The following SDK1 variants were observed in gnomAD, a reference collection of about 807,000 sequenced individuals.
The protein encoded by SDK1 is sidekick cell adhesion molecule 1.
SDK1 carries 157 observed loss-of-function variants against 245.5 expected under a neutral mutation model. The ratio of observed to expected loss-of-function variants is 0.64; its 90% CI spans 0.56 to 0.73. SDK1 has a LOEUF of 0.73. Among genes scored for constraint, SDK1 ranks in the 30% least tolerant of loss-of-function variants. The pLI is 0.00. For synonymous variants in SDK1, 1,647 were observed against 1,278.5 expected (o/e 1.29, Z -6.15); for missense variants, 3,583 against 3,002.3 (o/e 1.19, Z -4.52).
intron 22 of SDK1, among the ~76,000 whole-genome samples, chr7:4,106,908 T>A (rs1412701927): frequency 1.3e-5 from 2 of 151,394 alleles, no homozygotes; most frequent in African/African-American, 4.9e-5. Flanking sequence ...CTGAACAAGA[T>A]GAGGGAGCCC....
At chr7:4,010,820 A>G (rs1054336691) in intron 14 of SDK1, 146 bp from the exon 15 acceptor site, 5 of 808,660 alleles carry the variant, frequency 6.2e-6, no homozygotes, top group East Asian at 2.8e-5. Context: ...CAGTTTCCAC[A>G]CCTGCTAAAT....
intron 4 of SDK1, among the ~76,000 whole-genome samples, chr7:3,726,049 A>G (rs1256186876): frequency 1.3e-5 from 2 of 152,258 alleles, no homozygotes; most frequent in Admixed American, 6.5e-5. Flanking sequence ...TGCTTGAAGC[A>G]ATATCACCTT....
intron 1 of SDK1, among the ~76,000 whole-genome samples, chr7:3,433,055 T>C (rs1008692213): frequency 1.3e-5 from 2 of 152,322 alleles, no homozygotes; most frequent in South Asian, 4.1e-4. Context: ...GAAGATTTTC[T>C]CAAACAAGGA....
intron 22 of SDK1, among the ~76,000 whole-genome samples, chr7:4,097,185 C>T (rs915675053): frequency 1.6e-4 from 24 of 152,228 alleles, no homozygotes; most frequent in Admixed American, 9.2e-4. Flanking sequence ...CACCCCACCT[C>T]GCAGCAAACA....
intron 1 of SDK1, among the ~76,000 whole-genome samples, chr7:3,504,131 C>T (rs1782308922): frequency 6.7e-6 from 1 of 149,238 alleles, no homozygotes; most frequent in East Asian, 2.0e-4. Flanking sequence ...GCCTGGGCAA[C>T]AGAGCGAGAC....
chr7:4,183,010 C>T (rs1782683876), intron 35 of SDK1, among the ~76,000 whole-genome samples: 1 of 152,184 alleles, frequency 6.6e-6, no homozygotes, highest in South Asian at 2.1e-4. Flanking sequence ...CCTGAGGGCT[C>T]AGAGGTTAGT....
rs758851911 is a variant in SDK1, at chr7:4,220,137, G to A, written c.5568G>A (p.Val1856=). The change falls in exon 39 of 45, where the codon GTG becomes GTA. Residue 1856 remains valine, a synonymous_variant. Coordinates refer to ENST00000404826, the MANE Select transcript of SDK1 (RefSeq NM_152744.4). The part of the protein sequence containing the change: ...QGVSKVVTVE[V]RGNWQRWLKV... ...TGAGCAAGGTGGTGACCGTGGAAGT[G>A]AGAGGGAACTGGCAGCGCTGGCTGA... is the stretch of plus-strand genomic sequence containing the variant. The A allele has an allele frequency of 1.9e-6, 3 of 1,614,110 alleles. No homozygotes were observed. In the South Asian group the frequency reaches 3.3e-5, roughly 18 times the overall value.
chr7:3,789,882 C>T (rs1185023982), intron 4 of SDK1, among the ~76,000 whole-genome samples: 1 of 151,868 alleles, frequency 6.6e-6, no homozygotes, highest in African/African-American at 2.4e-5. Context: ...TACCCGCGCA[C>T]CCTGGACAGG....
At chr7:4,260,685 A>G (rs1226789645) in intron 44 of SDK1, among the ~76,000 whole-genome samples, 70 of 93,074 alleles carry the variant, frequency 7.5e-4, no homozygotes, top group African/African-American at 1.2e-3. Context: ...GTCACCTGAT[A>G]GGGAAGCTGG....
intron 2 of SDK1, among the ~76,000 whole-genome samples, chr7:3,631,613 G>T (rs922135741): frequency 6.6e-6 from 1 of 152,156 alleles, no homozygotes; most frequent in African/African-American, 2.4e-5. Context: ...AAAGTTGAGT[G>T]TTTTTGTATT....
chr7:3,311,197 G>C (rs569488786), intron 1 of SDK1, among the ~76,000 whole-genome samples: 25 of 152,068 alleles, frequency 1.6e-4, no homozygotes, highest in Non-Finnish European at 3.2e-4. Flanking sequence ...TGGGGGGAGA[G>C]TAGAGTGATG....
chr7:3,455,805 C>G (rs1258414956), intron 1 of SDK1, among the ~76,000 whole-genome samples: 3 of 152,136 alleles, frequency 2.0e-5, no homozygotes, highest in South Asian at 2.1e-4. Context: ...TTATCTGTGT[C>G]TGTAAAAAAA....
intron 1 of SDK1, among the ~76,000 whole-genome samples, chr7:3,416,665 T>G (rs972796679): frequency 6.6e-6 from 1 of 152,134 alleles, no homozygotes; most frequent in Non-Finnish European, 1.5e-5. Flanking sequence ...TCTGTGAACC[T>G]GGCCACCTTC....
chr7:4,038,459 G>A lies in SDK1; in HGVS notation c.2603-10889G>A, dbSNP rs1459507213. Among the ~76,000 whole-genome samples the A allele has an allele frequency of 2.0e-5, 3 of 152,214 alleles. No homozygotes were observed. In the East Asian group the frequency reaches 5.8e-4, roughly 29 times the overall value. Reference sequence around the variant, plus strand: ...AAACTCATGCCATACACCAAGTGCCGTTACTAACATCAGCACTTATCAATC... The same window carrying A: ...AAACTCATGCCATACACCAAGTGCCATTACTAACATCAGCACTTATCAATC... On this transcript the variant is annotated intron_variant, in intron 17 of 44. Coordinates refer to ENST00000404826, the MANE Select transcript of SDK1 (RefSeq NM_152744.4).
chr7:3,958,953 G>C lies in SDK1; in HGVS notation c.1173G>C (p.Glu391Asp), dbSNP rs192234598. The change falls in exon 8 of 45, where the codon GAG becomes GAC. Residue 391 changes from glutamate (E) to aspartate (D), a missense_variant. Coordinates refer to ENST00000404826, the MANE Select transcript of SDK1 (RefSeq NM_152744.4). ...FIIEPPYFTA[E>D]PESRISAEVE... ...AAGAGCCACCATATTTTACTGCTGA[G>C]CCCGAGAGTCGGATTTCAGCTGAAG... is the stretch of plus-strand genomic sequence containing the variant. The C allele has an allele frequency of 1.7e-5, 28 of 1,613,962 alleles. No homozygotes were observed. In the East Asian group the frequency reaches 5.6e-4, roughly 32 times the overall value.
intron 1 of SDK1, among the ~76,000 whole-genome samples, chr7:3,435,624 C>A (rs1184493881): frequency 6.6e-6 from 1 of 152,048 alleles, no homozygotes; most frequent in East Asian, 1.9e-4. Context: ...TTCGGCCTCC[C>A]AAAGTGCTGG....
chr7:4,036,474 A>G (rs921832856), intron 17 of SDK1, among the ~76,000 whole-genome samples: 19 of 152,198 alleles, frequency 1.2e-4, no homozygotes, highest in African/African-American at 4.3e-4. Context: ...ATAAACACTG[A>G]CTTCTTTAGG....
At chr7:3,734,773 G>T (rs996212906) in intron 4 of SDK1, among the ~76,000 whole-genome samples, 6 of 152,212 alleles carry the variant, frequency 3.9e-5, no homozygotes, top group African/African-American at 1.4e-4. Flanking sequence ...CATAGGACTG[G>T]AGCAGTTGAA....
chr7:4,216,871 C>A (rs552065205), intron 38 of SDK1, among the ~76,000 whole-genome samples: 241 of 152,314 alleles, frequency 1.6e-3, no homozygotes, highest in African/African-American at 5.6e-3. Flanking sequence ...GTGGCTCATC[C>A]TGTGTGCTGG....
Sources: allele counts gnomAD v4.1 joint callset (sites outside exome capture counted in the v4.1 genomes callset), GRCh38; gene constraint gnomAD v4.1.1; transcripts MANE v1.5; gene names NCBI Gene and HGNC (gene_info 2026-07-23, HGNC 2026-07-21).